Variants in VPS50 observed in about 807,000 individuals in gnomAD.
The protein encoded by VPS50 is VPS50 subunit of EARP/GARPII complex.
VPS50 carries 70 observed loss-of-function variants against 139.7 expected under a neutral mutation model. That is an observed-to-expected ratio of 0.50 (90% CI 0.41 to 0.61). VPS50 has a LOEUF of 0.61. Among genes scored for constraint, VPS50 ranks in the 20% least tolerant of loss-of-function variants. The pLI is 0.00. For missense variants in VPS50, 921 were observed against 1,133.7 expected, an observed-to-expected ratio of 0.81 and a Z score of 2.69; for synonymous variants, 365 against 376.7, an observed-to-expected ratio of 0.97 and a Z score of 0.36.
intron 21 of VPS50, 74 bp downstream of exon 21, chr7:93,323,806 C>T (rs916798268): frequency 1.7e-5 from 13 of 748,540 alleles, no homozygotes; most frequent in Admixed American, 1.1e-4. Context: ...TTTTCATTCT[C>T]TCTATAGAAG....
chr7:93,306,621 CT>C (rs1383892069), intron 18 of VPS50, among the ~76,000 whole-genome samples: 2 of 151,820 alleles, frequency 1.3e-5, no homozygotes, highest in Middle Eastern at 3.2e-3. Flanking sequence ...ATTATTTTAA[CT>C]TTGTGACCCT....
chr7:93,236,095 A>G (rs1794792990), intron 1 of VPS50, among the ~76,000 whole-genome samples: 1 of 152,194 alleles, frequency 6.6e-6, no homozygotes, highest in Non-Finnish European at 1.5e-5. Flanking sequence ...TGAATGTGGG[A>G]TGAAGAGAAC....
intron 11 of VPS50, among the ~76,000 whole-genome samples, chr7:93,275,360 A>G (rs182773758): frequency 3.3e-5 from 5 of 152,260 alleles, no homozygotes; most frequent in African/African-American, 1.2e-4. Flanking sequence ...AGAAGAGTCA[A>G]CTAATGCAGG....
At chr7:93,236,357 C>T (rs1794800043) in intron 1 of VPS50, among the ~76,000 whole-genome samples, 1 of 152,138 alleles carries the variant, frequency 6.6e-6, no homozygotes, top group African/African-American at 2.4e-5. Context: ...TGTAAACACT[C>T]TTGAGTTTTG....
chr7:93,326,515 AT>A (rs1797785292), intron 21 of VPS50, among the ~76,000 whole-genome samples: 1 of 151,416 alleles, frequency 6.6e-6, no homozygotes, highest in Admixed American at 6.6e-5. Context: ...AAAATAAAAA[AT>A]AATGAAAAAT....
intron 12 of VPS50, among the ~76,000 whole-genome samples, chr7:93,280,338 A>G (rs571143747): frequency 6.6e-6 from 1 of 151,968 alleles, no homozygotes; most frequent in African/African-American, 2.4e-5. Context: ...TTCTTTTTTT[A>G]AAAAAAGTAG....
At chr7:93,334,271 A>T in intron 22 of VPS50, 74 bp downstream of exon 22, 2 of 843,114 alleles carry the variant, frequency 2.4e-6, no homozygotes, top group Non-Finnish European at 3.9e-6. Flanking sequence ...ATTTCATATA[A>T]ATGTGTGTCT....
intron 18 of VPS50, among the ~76,000 whole-genome samples, chr7:93,308,577 G>T (rs917760762): frequency 5.3e-5 from 8 of 151,782 alleles, no homozygotes; most frequent in Non-Finnish European, 1.5e-5. Context: ...TTTGGTTTAT[G>T]GCGATTTGAT....
chr7:93,334,232 A>G, intron 22 of VPS50, 35 bp downstream of exon 22: 2 of 1,171,244 alleles, frequency 1.7e-6, no homozygotes, highest in South Asian at 1.3e-5. Flanking sequence ...CTTTTGGATT[A>G]TATAAAATGG....
intron 21 of VPS50, among the ~76,000 whole-genome samples, chr7:93,325,127 A>T (rs1584471259): frequency 1.3e-5 from 2 of 152,280 alleles, no homozygotes; most frequent in South Asian, 4.1e-4. Flanking sequence ...AACAGAGCCC[A>T]CAGAAAAAAC....
intron 18 of VPS50, 53 bp downstream of exon 18, chr7:93,306,057 A>G: frequency 7.5e-7 from 1 of 1,333,590 alleles, no homozygotes; most frequent in South Asian, 1.2e-5. Flanking sequence ...AAACTGTTCT[A>G]CTCAATGAAC....
intron 15 of VPS50, 153 bp from the exon 16 acceptor site, chr7:93,296,992 T>G: frequency 6.9e-7 from 1 of 1,440,306 alleles, no homozygotes; most frequent in African/African-American, 1.5e-5. Flanking sequence ...GCCCTTTGGG[T>G]GTTTGTAAAC....
chr7:93,244,057 A>C (rs148184736), intron 2 of VPS50, among the ~76,000 whole-genome samples: 2 of 151,882 alleles, frequency 1.3e-5, no homozygotes, highest in Admixed American at 1.3e-4. Flanking sequence ...CTTTTACATG[A>C]TTGGTTTACC....
Position 93,305,825 on chromosome 7 carries a change from T to C in VPS50, c.1453-3T>C, listed in dbSNP as rs200646621. 31 of 1,610,990 alleles carry C rather than the reference T, an allele frequency of 1.9e-5. No homozygotes were observed. The highest frequency in any genetic ancestry group is 2.5e-5 in the Non-Finnish European group (29 of 1,177,542). Reference sequence around the variant, plus strand: ...GGTATCTGGCTCCTTTTTTAACATCTAGGAATTTAAATTCATGGAACAGTC... The same window carrying C: ...GGTATCTGGCTCCTTTTTTAACATCCAGGAATTTAAATTCATGGAACAGTC... On this transcript the variant is annotated splice_polypyrimidine_tract_variant and splice_region_variant and intron_variant, in intron 17 of 27. Coordinates refer to ENST00000305866, the MANE Select transcript of VPS50 (RefSeq NM_017667.4).
At position 93,258,316 on chromosome 7, in the gene VPS50, G is replaced by T. The variant is rs1795554482; in HGVS notation, c.540+40G>T. 4 of 1,602,334 alleles carry T rather than the reference G, an allele frequency of 2.5e-6. No homozygotes were observed. In the East Asian group the frequency reaches 6.7e-5, roughly 27 times the overall value. On this transcript the variant is annotated intron_variant, in intron 7 of 27. Coordinates refer to ENST00000305866, the MANE Select transcript of VPS50 (RefSeq NM_017667.4). ...TTTAAAAAAATTAAAACTGAATTTTGTGGTTGAAACAGATTTTACCTTTGA... is the reference window on the plus strand; with the variant it reads ...TTTAAAAAAATTAAAACTGAATTTTTTGGTTGAAACAGATTTTACCTTTGA...
intron 21 of VPS50, 45 bp from the exon 22 acceptor site, chr7:93,334,072 C>A: frequency 9.7e-7 from 1 of 1,036,248 alleles, no homozygotes; most frequent in Non-Finnish European, 1.5e-6. Context: ...GTAACATTTG[C>A]AAGATGATCT....
chr7:93,346,564 A>G (rs1400380354), intron 23 of VPS50, among the ~76,000 whole-genome samples: 1 of 152,074 alleles, frequency 6.6e-6, no homozygotes. Context: ...ACACTACCTG[A>G]CTTCAAACTA....
intron 10 of VPS50, among the ~76,000 whole-genome samples, chr7:93,271,728 A>G (rs2188510): frequency 0.53 from 80,651 of 151,456 alleles, 25,368 homozygotes; most frequent in African/African-American, 0.88. Context: ...ATATGTAATT[A>G]TGAGCATGAA....
chr7:93,252,568 T>A, intron 2 of VPS50, 85 bp from the exon 3 acceptor site: 1 of 922,298 alleles, frequency 1.1e-6, no homozygotes, highest in Non-Finnish European at 1.7e-6. Flanking sequence ...TAGATGTGAC[T>A]GTTAAGACAA....
Sources: gnomAD v4.1 joint callset for allele counts (sites outside exome capture counted in the v4.1 genomes callset) on GRCh38, gnomAD v4.1.1 for gene constraint, MANE v1.5 for transcripts, NCBI Gene and HGNC (gene_info 2026-07-23, HGNC 2026-07-21) for gene names.